Variants in OOSP2 observed in about 807,000 individuals in gnomAD.
OOSP2 encodes oocyte secreted protein 2.
OOSP2 carries 7 observed loss-of-function variants against 13.4 expected under a neutral mutation model. The ratio of observed to expected loss-of-function variants is 0.52; its 90% CI spans 0.30 to 0.98. The LOEUF (loss-of-function observed/expected upper bound fraction) is 0.98. Among genes scored for constraint, OOSP2 ranks in the 50% least tolerant of loss-of-function variants. The pLI is 0.07. For synonymous variants in OOSP2, 75 were observed against 67.2 expected (o/e 1.12, Z -0.57); for missense variants, 184 against 188.5 (o/e 0.98, Z 0.14).
Position 60,047,129 on chromosome 11 carries a change from T to A in OOSP2, c.*56T>A. ...TGTTATGTATTTTGCAGGAAAACAG[T>A]TTCATTTTTTCATAGCAAAAATATA... On this transcript the variant is annotated 3_prime_UTR_variant, in exon 4 of 4. Coordinates refer to ENST00000278855, the MANE Select transcript of OOSP2 (RefSeq NM_173801.5). The A allele has an allele frequency of 1.4e-6, 2 of 1,414,950 alleles. No homozygotes were observed. The highest frequency in any genetic ancestry group is 9.7e-7 in the Non-Finnish European group (1 of 1,030,938). 87.6% of individuals were successfully genotyped at this position (1,414,950 alleles called of 1,614,324 possible).
chr11:60,041,972 C>T (rs1027520445), intron 1 of OOSP2, among the ~76,000 whole-genome samples: 5 of 149,072 alleles, frequency 3.4e-5, no homozygotes, highest in East Asian at 2.0e-4. Context: ...GTCAGCCAGG[C>T]GTGATGGCGG....
chr11:60,041,982 G>C (rs1590601057), intron 1 of OOSP2, among the ~76,000 whole-genome samples: 1 of 148,744 alleles, frequency 6.7e-6, no homozygotes, highest in Non-Finnish European at 1.5e-5. Flanking sequence ...CGTGATGGCG[G>C]GTGCCTGTAG....
intron 1 of OOSP2, among the ~76,000 whole-genome samples, chr11:60,042,075 C>A (rs1050586329): frequency 5.9e-5 from 9 of 152,020 alleles, no homozygotes; most frequent in African/African-American, 1.9e-4. Context: ...GCGGAGACAG[C>A]GCCACTGCAC....
At chr11:60,044,499 C>T (rs778875306) in intron 2 of OOSP2, among the ~76,000 whole-genome samples, 172 bp from the exon 3 acceptor site, 1 of 152,194 alleles carries the variant, frequency 6.6e-6, no homozygotes, top group African/African-American at 2.4e-5. Context: ...TAAATTCACT[C>T]TTAGGGATAA....
chr11:60,043,717 G>T, intron 2 of OOSP2, 70 bp downstream of exon 2: 1 of 840,632 alleles, frequency 1.2e-6, no homozygotes, highest in East Asian at 2.5e-5. Flanking sequence ...TATTAAAATT[G>T]TCTTTTAAAA....
chr11:60,047,132 C>G lies in OOSP2; in HGVS notation c.*59C>G. 1 of 1,420,888 alleles carries G rather than the reference C, an allele frequency of 7.0e-7. No homozygotes were observed. 88.0% of individuals were successfully genotyped at this position (1,420,888 alleles called of 1,614,324 possible). A position where few individuals can be genotyped will look rare whatever the true frequency, so the allele number is the denominator to read the frequency against. ...TATGTATTTTGCAGGAAAACAGTTTCATTTTTTCATAGCAAAAATATAGTT... is the reference window on the plus strand; with the variant it reads ...TATGTATTTTGCAGGAAAACAGTTTGATTTTTTCATAGCAAAAATATAGTT... On this transcript the variant is annotated 3_prime_UTR_variant, in exon 4 of 4. Coordinates refer to ENST00000278855, the MANE Select transcript of OOSP2 (RefSeq NM_173801.5).
intron 3 of OOSP2, among the ~76,000 whole-genome samples, chr11:60,045,586 AT>A (rs1456343983): frequency 6.7e-6 from 1 of 149,496 alleles, no homozygotes; most frequent in Admixed American, 6.8e-5. Context: ...TTTTTTTTTA[AT>A]TTTGGTAAAA....
At chr11:60,043,280 G>A (rs557373951) in intron 1 of OOSP2, among the ~76,000 whole-genome samples, 189 bp from the exon 2 acceptor site, 79 of 152,212 alleles carry the variant, frequency 5.2e-4, no homozygotes, top group African/African-American at 1.9e-3. Flanking sequence ...AGTTACATGG[G>A]GGCATAATTA....
At chr11:60,046,884 A>G in intron 3 of OOSP2, 60 bp from the exon 4 acceptor site, 1 of 1,431,218 alleles carries the variant, frequency 7.0e-7, no homozygotes, top group Admixed American at 1.7e-5. Flanking sequence ...AAACAGTGGT[A>G]AAACTGACTT....
At chr11:60,046,153 G>T (rs1389787130) in intron 3 of OOSP2, among the ~76,000 whole-genome samples, 1 of 144,050 alleles carries the variant, frequency 6.9e-6, no homozygotes, top group African/African-American at 2.8e-5. Flanking sequence ...TGTCTCTCTG[G>T]TCTCTCTGTC....
At chr11:60,046,378 T>C (rs997090721) in intron 3 of OOSP2, among the ~76,000 whole-genome samples, 1 of 152,114 alleles carries the variant, frequency 6.6e-6, no homozygotes, top group Non-Finnish European at 1.5e-5. Flanking sequence ...GCTGCCAGAG[T>C]AATCATGATA....
intron 1 of OOSP2, 135 bp from the exon 2 acceptor site, chr11:60,043,334 A>G (rs1565054675): frequency 4.0e-6 from 2 of 496,540 alleles, no homozygotes; most frequent in Non-Finnish European, 3.6e-6. Flanking sequence ...TTGTAAGAAA[A>G]CCTTTAAGCC....
At chr11:60,044,875 C>G (rs529412217) in intron 3 of OOSP2, 101 bp downstream of exon 3, 1 of 530,568 alleles carries the variant, frequency 1.9e-6, no homozygotes, top group East Asian at 2.9e-5. Context: ...TAACATGATT[C>G]ACCCATAAGT....
At chr11:60,046,765 G>A (rs1156426105) in intron 3 of OOSP2, 179 bp from the exon 4 acceptor site, 3 of 728,546 alleles carry the variant, frequency 4.1e-6, no homozygotes, top group Admixed American at 1.9e-5. Context: ...TCTTCTGTAA[G>A]CCTATCTGCT....
At chr11:60,046,700 G>A (rs2276043) in intron 3 of OOSP2, 145,446 of 608,448 alleles carry the variant, frequency 0.24, 20,086 homozygotes, top group Admixed American at 0.46. Flanking sequence ...AAGACCATTC[G>A]TCTTTCTACT....
At position 60,042,076 on chromosome 11, in the gene OOSP2, G is replaced by A. The variant is rs1326806949; in HGVS notation, c.65-1393G>A. ...GGAGCTTGCAGTGAGCGGAGACAGC[G>A]CCACTGCACTCCATCCTGGGTGACA... On this transcript the variant is annotated intron_variant, in intron 1 of 3. Coordinates refer to ENST00000278855, the MANE Select transcript of OOSP2 (RefSeq NM_173801.5). Among the ~76,000 whole-genome samples, 9 of 147,518 alleles carry A rather than the reference G, an allele frequency of 6.1e-5. No homozygotes were observed. In the East Asian group the frequency reaches 6.2e-4, roughly 10 times the overall value.
At chr11:60,046,812 G>A in intron 3 of OOSP2, 132 bp from the exon 4 acceptor site, 1 of 808,630 alleles carries the variant, frequency 1.2e-6, no homozygotes, top group Non-Finnish European at 2.2e-6. Flanking sequence ...GATCTAGAAG[G>A]CATAGTATGC....
intron 3 of OOSP2, among the ~76,000 whole-genome samples, chr11:60,045,917 G>GTCTCTA (rs1334354390): frequency 4.7e-4 from 72 of 151,956 alleles, no homozygotes; most frequent in African/African-American, 1.7e-3. Flanking sequence ...TTGATTCTCT[G>GTCTCTA]TCTCTATCTC....
At chr11:60,042,029 G>A (rs1854939076) in intron 1 of OOSP2, among the ~76,000 whole-genome samples, 1 of 151,848 alleles carries the variant, frequency 6.6e-6, no homozygotes. Flanking sequence ...TGAGGCAGGA[G>A]AATGGCATGA....
Sources: allele counts gnomAD v4.1 joint callset (sites outside exome capture counted in the v4.1 genomes callset), GRCh38; gene constraint gnomAD v4.1.1; transcripts MANE v1.5; gene names NCBI Gene and HGNC (gene_info 2026-07-23, HGNC 2026-07-21).